PPP2R5E: variants seen among roughly 807,000 people sequenced by gnomAD.
PPP2R5E encodes serine/threonine-protein phosphatase 2A 56 kDa regulatory subunit epsilon isoform.
Under a neutral mutation model 65.3 loss-of-function variants are expected in PPP2R5E, and 4 were observed. The observed-to-expected ratio is 0.06, with a 90% CI of 0.03 to 0.14. The LOEUF (loss-of-function observed/expected upper bound fraction) is 0.14. Among genes scored for constraint, PPP2R5E ranks in the 10% least tolerant of loss-of-function variants. The pLI is 1.00. For synonymous variants in PPP2R5E, 183 were observed against 187.4 expected, an observed-to-expected ratio of 0.98 and a Z score of 0.19; for missense variants, 274 against 556.1, an observed-to-expected ratio of 0.49 and a Z score of 5.10.
At chr14:63,401,627 C>T (rs1371943613) in intron 5 of PPP2R5E, among the ~76,000 whole-genome samples, 1 of 152,120 alleles carries the variant, frequency 6.6e-6, no homozygotes, top group African/African-American at 2.4e-5. Flanking sequence ...TCCAGCTAGG[C>T]AGGGGGATTG....
chr14:63,420,035 T>C (rs1886915631), intron 4 of PPP2R5E, among the ~76,000 whole-genome samples: 1 of 152,230 alleles, frequency 6.6e-6, no homozygotes, highest in South Asian at 2.1e-4. Context: ...ATGGGAAGGA[T>C]TAACTGTAAT....
At chr14:63,507,947 A>T (rs1409881419) in intron 2 of PPP2R5E, among the ~76,000 whole-genome samples, 1 of 152,062 alleles carries the variant, frequency 6.6e-6, no homozygotes, top group Non-Finnish European at 1.5e-5. Context: ...GACCCTAGGG[A>T]TTTATCATAA....
At chr14:63,387,171 G>C (rs779059211) in intron 11 of PPP2R5E, among the ~76,000 whole-genome samples, 1 of 152,182 alleles carries the variant, frequency 6.6e-6, no homozygotes, top group Non-Finnish European at 1.5e-5. Flanking sequence ...TAACTGGTTA[G>C]AGGAAAATCC....
intron 3 of PPP2R5E, among the ~76,000 whole-genome samples, chr14:63,427,568 C>A (rs574641895): frequency 6.6e-6 from 1 of 152,004 alleles, no homozygotes; most frequent in Non-Finnish European, 1.5e-5. Flanking sequence ...TCACTTGAGG[C>A]CAGGAGTTTA....
At chr14:63,415,572 A>T (rs2139863015) in intron 4 of PPP2R5E, among the ~76,000 whole-genome samples, 1 of 152,304 alleles carries the variant, frequency 6.6e-6, no homozygotes, top group Non-Finnish European at 1.5e-5. Flanking sequence ...AACTACTTGT[A>T]CCATTTAAAC....
intron 2 of PPP2R5E, among the ~76,000 whole-genome samples, chr14:63,492,152 C>T (rs2139636781): frequency 6.6e-6 from 1 of 152,226 alleles, no homozygotes; most frequent in South Asian, 2.1e-4. Flanking sequence ...ACAAGAATTA[C>T]AGGTTTATCT....
chr14:63,535,988 C>T (rs1594983079), intron 2 of PPP2R5E, among the ~76,000 whole-genome samples: 1 of 152,142 alleles, frequency 6.6e-6, no homozygotes, highest in African/African-American at 2.4e-5. Flanking sequence ...TCTGATTATA[C>T]TTCCTTATGT....
At chr14:63,420,970 G>A (rs1343946115) in intron 4 of PPP2R5E, among the ~76,000 whole-genome samples, 2 of 109,910 alleles carry the variant, frequency 1.8e-5, no homozygotes, top group African/African-American at 4.5e-5. Context: ...GGAGAATGGC[G>A]TGAACCCGGG....
chr14:63,373,557 T>C lies in PPP2R5E; in HGVS notation c.*2452A>G, dbSNP rs981429098. ...GAAGTTGCCCTACGAATTTTAGACA[T>C]ATAGCTTTAATTGATTCTATAAATA... On this transcript the variant is annotated 3_prime_UTR_variant, in exon 14 of 14. Transcript: ENST00000337537. 6.6e-6 allele frequency: 1 copy of C among 152,242 alleles called. No individual in the cohort carries two copies. Among genetic ancestry groups the C allele is most frequent in the Non-Finnish European group, 1.5e-5 (1 of 68,042 alleles). 9.4% of individuals were successfully genotyped at this position (152,242 alleles called of 1,614,324 possible).
intron 2 of PPP2R5E, among the ~76,000 whole-genome samples, chr14:63,513,209 ATC>A (rs758747133): frequency 1.3e-5 from 2 of 152,194 alleles, no homozygotes; most frequent in Admixed American, 6.5e-5. Flanking sequence ...GATACTGATT[ATC>A]TCTGTTTCTG....
intron 2 of PPP2R5E, among the ~76,000 whole-genome samples, chr14:63,534,238 G>GCC (rs1454681875): frequency 2.0e-5 from 3 of 152,144 alleles, no homozygotes; most frequent in African/African-American, 7.2e-5. Flanking sequence ...TAACAGTCAA[G>GCC]GCTTGCTTCA....
chr14:63,460,629 GATA>G lies in PPP2R5E; in HGVS notation c.158-6747_158-6745del, dbSNP rs544895945. 9.3e-3 allele frequency among the ~76,000 whole-genome samples: 1,423 copies of G among 152,248 alleles called. 29 individuals carry two copies. Among genetic ancestry groups the G allele is most frequent in the African/African-American group, 0.033 (1,369 of 41,540 alleles). ...TTTAGGCAGGTAGGTTTAAGTTTTA[GATA>G]ATAATAACATATTAATTATTCTTCC... On this transcript the variant is annotated intron_variant, in intron 2 of 13. Coordinates refer to ENST00000337537, the MANE Select transcript of PPP2R5E (RefSeq NM_006246.5).
chr14:63,397,167 A>G (rs867768725), intron 5 of PPP2R5E, among the ~76,000 whole-genome samples: 2 of 152,232 alleles, frequency 1.3e-5, no homozygotes, highest in Non-Finnish European at 2.9e-5. Context: ...CCGTAGCTCA[A>G]CCACTGCACT....
At chr14:63,436,143 C>T (rs979880156) in intron 3 of PPP2R5E, among the ~76,000 whole-genome samples, 1 of 152,142 alleles carries the variant, frequency 6.6e-6, no homozygotes, top group Non-Finnish European at 1.5e-5. Context: ...TAGAAGGTTA[C>T]TAAAACTGAA....
chr14:63,512,075 C>G (rs1343319736), intron 2 of PPP2R5E, among the ~76,000 whole-genome samples: 1 of 87,546 alleles, frequency 1.1e-5, no homozygotes, highest in African/African-American at 5.8e-5. Context: ...CGAGACTCTG[C>G]GGTAAAAAAA....
intron 2 of PPP2R5E, among the ~76,000 whole-genome samples, chr14:63,459,948 C>G (rs6573520): frequency 0.33 from 50,053 of 152,048 alleles, 10,968 homozygotes; most frequent in African/African-American, 0.62. Flanking sequence ...AGGTGAATGT[C>G]GAGTTGGCTG....
At chr14:63,398,148 A>T (rs937715565) in intron 5 of PPP2R5E, among the ~76,000 whole-genome samples, 6 of 152,264 alleles carry the variant, frequency 3.9e-5, no homozygotes, top group African/African-American at 1.4e-4. Flanking sequence ...AGAGGTAACA[A>T]GCTAAAGTTT....
intron 13 of PPP2R5E, among the ~76,000 whole-genome samples, chr14:63,377,932 T>C (rs1299593169): frequency 6.6e-6 from 1 of 152,210 alleles, no homozygotes; most frequent in African/African-American, 2.4e-5. Context: ...AGTGGCACAA[T>C]CATAGCTCAC....
At chr14:63,424,725 TG>T (rs565123374) in intron 3 of PPP2R5E, among the ~76,000 whole-genome samples, 55 of 141,848 alleles carry the variant, frequency 3.9e-4, no homozygotes, top group African/African-American at 1.4e-3. Flanking sequence ...CACTCCAGCC[TG>T]GGCAACAGAG....
Sources: gnomAD v4.1 joint callset for allele counts (sites outside exome capture counted in the v4.1 genomes callset) on GRCh38, gnomAD v4.1.1 for gene constraint, MANE v1.5 for transcripts, NCBI Gene and HGNC (gene_info 2026-07-23, HGNC 2026-07-21) for gene names.